Variants in RPLP2 observed in about 807,000 individuals in gnomAD.
The protein encoded by RPLP2 is ribosomal protein lateral stalk subunit P2, also known as large ribosomal subunit protein P2.
In RPLP2, 1 loss-of-function variant was observed where a neutral mutation model predicts 11.5. That is an observed-to-expected ratio of 0.09 (90% CI 0.03 to 0.41). The LOEUF (loss-of-function observed/expected upper bound fraction) is 0.41. Among genes scored for constraint, RPLP2 ranks in the 10% least tolerant of loss-of-function variants. The pLI, the probability that RPLP2 is intolerant of heterozygous loss-of-function variation, is 0.98. For missense variants in RPLP2, 177 were observed against 145.6 expected (o/e 1.22, Z -1.11); for synonymous variants, 82 against 55.9 (o/e 1.47, Z -2.08).
In RPLP2 at chr11:810,479, C is replaced by T. The variant is rs1865997777; in HGVS notation, c.123+122C>T. 1.1e-5 allele frequency: 11 copies of T among 997,450 alleles called. 1 individual carries two copies. The South Asian group carries it at 1.2e-4, about 11-fold the overall frequency. The allele number at this position is 997,450 out of a possible 1,614,324, so 61.8% of individuals were successfully genotyped here. A position where few individuals can be genotyped will look rare whatever the true frequency, so the allele number is the denominator to read the frequency against. Reference sequence around the variant, plus strand: ...GAGAGGCTCGTTTCAGTCTAGTTGGCGATTTCTTGGATAGAGAAGTAAGCC... The same window carrying T: ...GAGAGGCTCGTTTCAGTCTAGTTGGTGATTTCTTGGATAGAGAAGTAAGCC... On this transcript the variant is annotated intron_variant, in intron 2 of 4. Transcript: ENST00000321153.
At chr11:811,479 G>A in intron 2 of RPLP2, 118 bp from the exon 3 acceptor site, 1 of 1,246,902 alleles carries the variant, frequency 8.0e-7, no homozygotes, top group Non-Finnish European at 1.2e-6. Flanking sequence ...GTGCAGTTCT[G>A]GAAACTTCAG....
chr11:811,780 C>A, intron 3 of RPLP2, 135 bp downstream of exon 3: 1 of 1,085,888 alleles, frequency 9.2e-7, no homozygotes, highest in Non-Finnish European at 1.4e-6. Context: ...AGCAGGGCTC[C>A]AGTGGGCTCA....
At chr11:811,551 T>TA (rs1378942887) in intron 2 of RPLP2, 46 bp from the exon 3 acceptor site, 2 of 1,612,380 alleles carry the variant, frequency 1.2e-6, no homozygotes, top group African/African-American at 2.7e-5. Flanking sequence ...GGGCCGGGGA[T>TA]ACAATCGTAC....
intron 3 of RPLP2, chr11:812,314 T>A (rs1866088929): frequency 6.6e-6 from 4 of 604,074 alleles, no homozygotes; most frequent in South Asian, 5.8e-5. Flanking sequence ...GTGGGCCTAA[T>A]TCCTAGAAGG....
intron 3 of RPLP2, 142 bp downstream of exon 3, chr11:811,787 C>A (rs779088470): frequency 9.8e-7 from 1 of 1,024,702 alleles, no homozygotes; most frequent in East Asian, 2.4e-5. Flanking sequence ...CTCCAGTGGG[C>A]TCACGTCATG....
chr11:811,284 C>T (rs1866047112), intron 2 of RPLP2: 2 of 420,178 alleles, frequency 4.8e-6, no homozygotes, highest in South Asian at 4.6e-5. Flanking sequence ...TACCACTGCA[C>T]TCCAGCCTGA....
intron 3 of RPLP2, 62 bp from the exon 4 acceptor site, chr11:812,472 TC>T (rs1866092222): frequency 1.9e-6 from 3 of 1,593,878 alleles, no homozygotes; most frequent in Admixed American, 3.4e-5. Flanking sequence ...CCATCTAACT[TC>T]CCTGTGGAAC....
intron 2 of RPLP2, 99 bp from the exon 3 acceptor site, chr11:811,498 C>G (rs1866059244): frequency 6.8e-7 from 1 of 1,466,242 alleles, no homozygotes; most frequent in African/African-American, 1.4e-5. Context: ...AGGGCCTATT[C>G]CCATGTGGGG....
rs779245121 is a variant in RPLP2, at chr11:812,669, G to A, written c.271+36G>A. The A allele has an allele frequency of 3.7e-6, 6 of 1,611,754 alleles. No homozygotes were observed. The East Asian group carries it at 1.1e-4, about 30-fold the overall frequency. On this transcript the variant is annotated intron_variant, in intron 4 of 4. Transcript: ENST00000321153. ...GCCTGGTGAGTGGGCAAGGGGCTGG[G>A]GCTCAGACGGTGTTGCTGCAGTGGG...
intron 3 of RPLP2, chr11:811,880 A>G (rs1866079181): frequency 1.3e-6 from 1 of 747,468 alleles, no homozygotes; most frequent in Admixed American, 1.7e-5. Context: ...CTGCCTCTTA[A>G]GCCTGACTGC....
Position 809,968 on chromosome 11 carries a change from C to CT in RPLP2, c.-69dup. On this transcript the variant is annotated 5_prime_UTR_variant, in exon 1 of 5. Coordinates refer to ENST00000321153, the MANE Select transcript of RPLP2 (RefSeq NM_001004.4). ...CCCCGCCTCTTGCGTCGGCGCCTTC[C>CT]TTTTCCTCCCTGTCGCCACCGAGGT... is the stretch of plus-strand genomic sequence containing the variant. 2.7e-6 allele frequency: 1 copy of CT among 369,616 alleles called. No homozygotes were observed. 22.9% of individuals were successfully genotyped at this position (369,616 alleles called of 1,614,324 possible).
chr11:810,626 C>G (rs1198673681), intron 2 of RPLP2: 2 of 303,686 alleles, frequency 6.6e-6, no homozygotes. Flanking sequence ...AAACCCCATC[C>G]CTACTAAAAA....
intron 3 of RPLP2, 114 bp downstream of exon 3, chr11:811,759 C>A: frequency 7.5e-7 from 1 of 1,340,166 alleles, no homozygotes; most frequent in Non-Finnish European, 1.1e-6. Flanking sequence ...AGAAGCCTCA[C>A]CCGAGGAGTG....
At chr11:810,414 A>G in intron 2 of RPLP2, 57 bp downstream of exon 2, 9 of 1,532,678 alleles carry the variant, frequency 5.9e-6, no homozygotes, top group East Asian at 2.5e-5. Context: ...CATACAGGCG[A>G]TTCTTCTGCC....
chr11:810,979 TG>T (rs1225208536), intron 2 of RPLP2, among the ~76,000 whole-genome samples: 54 of 130,578 alleles, frequency 4.1e-4, no homozygotes, highest in African/African-American at 1.6e-3. Context: ...GAGACTGGTC[TG>T]GAAAACATTG....
Position 812,841 on chromosome 11 carries a change from C to T in RPLP2, c.*5C>T, listed in dbSNP as rs576525322. On this transcript the variant is annotated 3_prime_UTR_variant, in exon 5 of 5. Coordinates refer to ENST00000321153, the MANE Select transcript of RPLP2 (RefSeq NM_001004.4). ...GGATTTGGCCTTTTTGATTAAATTC[C>T]TGCTCCCCTGCAAATAAAGCCTTTT... The T allele has an allele frequency of 9.3e-6, 15 of 1,612,534 alleles. 1 individual carries two copies. The South Asian group carries it at 1.6e-4, about 18-fold the overall frequency.
rs147750535 is a variant in RPLP2, at chr11:810,279, C to T, written c.45C>T (p.Asn15=). 4 of 1,607,556 alleles carry T rather than the reference C, an allele frequency of 2.5e-6. No individual in the cohort carries two copies. Among genetic ancestry groups the T allele is most frequent in the African/African-American group, 2.7e-5 (2 of 74,312 alleles). The change falls in exon 2 of 5, where the codon AAC becomes AAT. Residue 15 remains asparagine (N), a synonymous_variant. Coordinates refer to ENST00000321153, the MANE Select transcript of RPLP2 (RefSeq NM_001004.4). The stretch of plus-strand genomic sequence containing the variant: ...ACCTGCTGGCTGCCCTAGGGGGCAA[C>T]TCCTCCCCCAGCGCCAAGGACATCA... ...ASYLLAALGG[N]SSPSAKDIKK...
rs1168444864 is a variant in RPLP2 at position 810,417 on chromosome 11, C to T, written c.123+60C>T. On this transcript the variant is annotated intron_variant, in intron 2 of 4. Transcript: ENST00000321153. ...GCCCCAGTGTCCCATACAGGCGATT[C>T]TTCTGCCTGATCCGGCCACATGCTG... is the stretch of plus-strand genomic sequence containing the variant. 5.3e-6 allele frequency: 8 copies of T among 1,510,894 alleles called. No individual in the cohort carries two copies. In the Admixed American group the frequency reaches 5.6e-5, roughly 11 times the overall value. The allele number at this position is 1,510,894 out of a possible 1,614,324, so 93.6% of individuals were successfully genotyped here.
intron 3 of RPLP2, chr11:811,929 C>T: frequency 1.5e-6 from 1 of 659,682 alleles, no homozygotes; most frequent in Admixed American, 2.0e-5. Flanking sequence ...TTGTCTGAAG[C>T]TTGGTGTCTG....
Sources: allele counts gnomAD v4.1 joint callset (sites outside exome capture counted in the v4.1 genomes callset), GRCh38; gene constraint gnomAD v4.1.1; transcripts MANE v1.5; gene names NCBI Gene and HGNC (gene_info 2026-07-23, HGNC 2026-07-21).